Variants in KCNN2 observed in about 807,000 individuals in gnomAD.
The protein encoded by KCNN2 is potassium calcium-activated channel subfamily N member 2.
A neutral mutation model predicts 55.5 loss-of-function variants in KCNN2; 24 were observed. The ratio of observed to expected loss-of-function variants is 0.43; its 90% CI spans 0.31 to 0.61. KCNN2 has a LOEUF of 0.61. Among genes scored for constraint, KCNN2 ranks in the 20% least tolerant of loss-of-function variants. The pLI is 0.08. For synonymous variants in KCNN2, 431 were observed against 336.1 expected (o/e 1.28, Z -3.09); for missense variants, 754 against 853.6 (o/e 0.88, Z 1.45).
intron 1 of KCNN2, among the ~76,000 whole-genome samples, chr5:114,215,362 A>T (rs936577268): frequency 8.5e-5 from 13 of 152,164 alleles, no homozygotes; most frequent in Non-Finnish European, 1.5e-4. Flanking sequence ...GTAAGCTGGG[A>T]GTAAGAAACC....
chr5:114,280,857 G>A (rs527645822), intron 2 of KCNN2, among the ~76,000 whole-genome samples: 1 of 152,246 alleles, frequency 6.6e-6, no homozygotes, highest in Non-Finnish European at 1.5e-5. Context: ...GTGAGGTTCT[G>A]TATGATCTGA....
intron 2 of KCNN2, among the ~76,000 whole-genome samples, chr5:114,339,846 T>TAAATAAAA (rs1218090255): frequency 9.9e-5 from 15 of 151,442 alleles, no homozygotes; most frequent in Admixed American, 8.5e-4. Context: ...AATAAATAAA[T>TAAATAAAA]AAAAATGCAT....
intron 4 of KCNN2, among the ~76,000 whole-genome samples, chr5:114,468,297 A>G (rs1761550240): frequency 1.3e-5 from 2 of 152,206 alleles, no homozygotes; most frequent in South Asian, 2.1e-4. Context: ...ATTGTTTCAC[A>G]TGTTTTTATG....
At chr5:114,064,352 G>A (rs142950896) in intron 1 of KCNN2, among the ~76,000 whole-genome samples, 1 of 152,302 alleles carries the variant, frequency 6.6e-6, no homozygotes, top group East Asian at 1.9e-4. Flanking sequence ...AGGCTTCTGA[G>A]CCCAGGCCTT....
upstream of KCNN2, among the ~76,000 whole-genome samples, chr5:114,359,167 A>G (rs920441533): frequency 6.6e-6 from 1 of 152,218 alleles, no homozygotes; most frequent in Non-Finnish European, 1.5e-5. Context: ...GTTTTACATT[A>G]TTAAATTATT....
chr5:114,211,091 G>T (rs1287549084), intron 1 of KCNN2, among the ~76,000 whole-genome samples: 1 of 152,074 alleles, frequency 6.6e-6, no homozygotes, highest in African/African-American at 2.4e-5. Flanking sequence ...GAGAAAAGTG[G>T]ACACTTATTC....
intron 1 of KCNN2, among the ~76,000 whole-genome samples, chr5:114,107,951 G>C (rs1751522479): frequency 6.6e-6 from 1 of 151,938 alleles, no homozygotes. Context: ...TAAGGTGTTT[G>C]ATCAAATCTA....
At chr5:114,352,766 C>A (rs1757231566) in intron 2 of KCNN2, among the ~76,000 whole-genome samples, 1 of 151,804 alleles carries the variant, frequency 6.6e-6, no homozygotes, top group African/African-American at 2.4e-5. Context: ...ATACGAGGTA[C>A]AAGTGCAATT....
chr5:114,084,172 T>C (rs1205910949), intron 1 of KCNN2, among the ~76,000 whole-genome samples: 2 of 152,114 alleles, frequency 1.3e-5, no homozygotes, highest in African/African-American at 2.4e-5. Flanking sequence ...GACATATGCT[T>C]TCAAGTCATT....
chr5:114,337,463 T>C (rs560454311), intron 2 of KCNN2, among the ~76,000 whole-genome samples: 6 of 152,332 alleles, frequency 3.9e-5, no homozygotes, highest in Middle Eastern at 3.4e-3. Context: ...TTTTGACATA[T>C]GAAAAACTGA....
At chr5:114,128,959 G>T (rs1032134491) in intron 1 of KCNN2, among the ~76,000 whole-genome samples, 9 of 152,220 alleles carry the variant, frequency 5.9e-5, no homozygotes, top group East Asian at 5.8e-4. Context: ...TACATGTATT[G>T]GTCAAGGTCC....
intron 2 of KCNN2, among the ~76,000 whole-genome samples, chr5:114,292,005 G>A (rs1755899988): frequency 1.3e-5 from 2 of 151,972 alleles, no homozygotes; most frequent in African/African-American, 4.8e-5. Flanking sequence ...AGAAGTGTCT[G>A]TTCATATCCT....
intron 1 of KCNN2, among the ~76,000 whole-genome samples, chr5:114,103,259 C>T (rs1289887267): frequency 1.3e-5 from 2 of 152,030 alleles, no homozygotes; most frequent in Non-Finnish European, 2.9e-5. Flanking sequence ...TATAGGAATG[C>T]TTGTGATTTT....
chr5:114,493,304 C>T (rs1747951088), intron 6 of KCNN2, 99 bp from the exon 7 acceptor site: 3 of 800,432 alleles, frequency 3.7e-6, no homozygotes, highest in South Asian at 2.7e-5. Context: ...ATTATCCATG[C>T]AGTTATTTGC....
intron 1 of KCNN2, among the ~76,000 whole-genome samples, chr5:114,070,418 C>T (rs1750544721): frequency 6.6e-6 from 1 of 152,204 alleles, no homozygotes; most frequent in African/African-American, 2.4e-5. Flanking sequence ...TATTCTTTAT[C>T]TTTGTTTTCC....
chr5:114,238,452 C>T lies in KCNN2; in HGVS notation c.-185+16887C>T, dbSNP rs575334458. Among the ~76,000 whole-genome samples, 13 of 152,008 alleles carry T rather than the reference C, an allele frequency of 8.6e-5. No individual in the cohort carries two copies. In the South Asian group the frequency reaches 2.5e-3, roughly 29 times the overall value. On this transcript the variant is annotated intron_variant, in intron 2 of 10. Transcript: ENST00000512097. ...ACCAGCCTGGCCAACATGGTGAAAC[C>T]CCGTCTCTACTAAAATACAAAAAAT... is the stretch of plus-strand genomic sequence containing the variant.
chr5:114,336,337 T>C (rs542873891), intron 2 of KCNN2, among the ~76,000 whole-genome samples: 12 of 152,224 alleles, frequency 7.9e-5, no homozygotes, highest in Non-Finnish European at 1.5e-4. Flanking sequence ...TGAAATGATA[T>C]CTAGGTTTTT....
At chr5:114,464,501 G>A (rs956587350) in intron 4 of KCNN2, among the ~76,000 whole-genome samples, 2 of 152,170 alleles carry the variant, frequency 1.3e-5, no homozygotes, top group African/African-American at 2.4e-5. Flanking sequence ...GAGGGCCTCT[G>A]AGTGGTGGCC....
intron 2 of KCNN2, among the ~76,000 whole-genome samples, chr5:114,273,499 A>G (rs1273644209): frequency 6.6e-6 from 1 of 152,058 alleles, no homozygotes; most frequent in African/African-American, 2.4e-5. Context: ...ATTTTTCCAT[A>G]TCCTCTCCAG....
Sources: gnomAD v4.1 joint callset for allele counts (sites outside exome capture counted in the v4.1 genomes callset) on GRCh38, gnomAD v4.1.1 for gene constraint, MANE v1.5 for transcripts, NCBI Gene and HGNC (gene_info 2026-07-23, HGNC 2026-07-21) for gene names.